The following PPFIA1 variants were observed in gnomAD, a reference collection of about 807,000 sequenced individuals.
The protein encoded by PPFIA1 is PPFI scaffold protein A1.
In PPFIA1, 25 loss-of-function variants were observed where a neutral mutation model predicts 149.9. The ratio of observed to expected loss-of-function variants is 0.17; its 90% CI spans 0.12 to 0.23. The LOEUF is 0.23. PPFIA1 is among the 10% of genes least tolerant of loss of function. The pLI is 1.00. For synonymous variants in PPFIA1, 549 were observed against 552.8 expected, an observed-to-expected ratio of 0.99 and a Z score of 0.10; for missense variants, 1,362 against 1,506.5, an observed-to-expected ratio of 0.90 and a Z score of 1.59.
At chr11:70,284,931 A>G (rs2051004053) in intron 2 of PPFIA1, among the ~76,000 whole-genome samples, 1 of 152,148 alleles carries the variant, frequency 6.6e-6, no homozygotes, top group Admixed American at 6.6e-5. Context: ...GGGCTTCAGT[A>G]CTTTGCGTGC....
At chr11:70,329,315 A>T (rs891024510) in intron 7 of PPFIA1, among the ~76,000 whole-genome samples, 6 of 152,258 alleles carry the variant, frequency 3.9e-5, no homozygotes, top group African/African-American at 1.4e-4. Flanking sequence ...CTGAGTGGCC[A>T]GACATAGTAT....
chr11:70,346,036 A>G (rs2055681025), intron 15 of PPFIA1: 1 of 431,142 alleles, frequency 2.3e-6, no homozygotes, highest in African/African-American at 2.0e-5. Flanking sequence ...TCTCGTCAGT[A>G]TTTTAAAGGG....
Position 70,324,388 on chromosome 11 carries a change from T to C in PPFIA1, c.265-14T>C, listed in dbSNP as rs769111495. Reference sequence around the variant, plus strand: ...TCTTTCTTATTTATTTAATTTTGTTTTGTGATTTTCTAGGAGTTCGCAGCA... The same window carrying C: ...TCTTTCTTATTTATTTAATTTTGTTCTGTGATTTTCTAGGAGTTCGCAGCA... On this transcript the variant is annotated splice_polypyrimidine_tract_variant and intron_variant, in intron 2 of 27. Coordinates refer to ENST00000253925, the MANE Select transcript of PPFIA1 (RefSeq NM_003626.5). 3.4e-5 allele frequency: 53 copies of C among 1,576,592 alleles called. No homozygotes were observed. The highest frequency in any genetic ancestry group is 4.4e-5 in the Non-Finnish European group (51 of 1,153,198).
chr11:70,326,911 C>T (rs540026825), intron 7 of PPFIA1, 93 bp downstream of exon 7: 32 of 996,960 alleles, frequency 3.2e-5, no homozygotes, highest in Non-Finnish European at 4.2e-5. Flanking sequence ...GTCTCTTACT[C>T]TCCCAATTAC....
chr11:70,352,774 CGGAGGGCGGCGTGTGGAGGGGTG>C (rs1565435803), intron 16 of PPFIA1, among the ~76,000 whole-genome samples: 5 of 42,088 alleles, frequency 1.2e-4, no homozygotes, highest in Non-Finnish European at 1.7e-4. Context: ...GTGGAGGTGT[CGGAGGGCGGCGTGTGGAGGGGTG>C]GGAGGGCGGC....
chr11:70,320,915 C>T (rs576797390), intron 2 of PPFIA1, among the ~76,000 whole-genome samples: 6 of 152,274 alleles, frequency 3.9e-5, no homozygotes, highest in South Asian at 2.1e-4. Context: ...GACATAACCA[C>T]GCAACAGAAT....
intron 2 of PPFIA1, among the ~76,000 whole-genome samples, chr11:70,323,301 C>G (rs751060096): frequency 6.6e-6 from 1 of 152,348 alleles, no homozygotes; most frequent in South Asian, 2.1e-4. Context: ...TGGCGGCAGC[C>G]AGGGCCCTCT....
At chr11:70,382,513 G>A (rs1253620103) in intron 27 of PPFIA1, among the ~76,000 whole-genome samples, 1 of 152,188 alleles carries the variant, frequency 6.6e-6, no homozygotes, top group Non-Finnish European at 1.5e-5. Flanking sequence ...TCCTGACGTC[G>A]TTATGCACAT....
chr11:70,313,178 A>G (rs1308153586), intron 2 of PPFIA1, among the ~76,000 whole-genome samples: 1 of 152,222 alleles, frequency 6.6e-6, no homozygotes, highest in Non-Finnish European at 1.5e-5. Context: ...GCTGACTTCT[A>G]GAGCGGCCAC....
intron 2 of PPFIA1, among the ~76,000 whole-genome samples, chr11:70,296,030 TCA>T (rs1270603428): frequency 6.7e-6 from 1 of 150,206 alleles, no homozygotes; most frequent in African/African-American, 2.5e-5. Context: ...GAGGCGCTCC[TCA>T]CATCCCAGAC....
intron 27 of PPFIA1, 62 bp from the exon 28 acceptor site, chr11:70,382,941 T>TC: frequency 2.8e-6 from 1 of 358,612 alleles, no homozygotes. Flanking sequence ...CATCAGAAGT[T>TC]CCCGTTCGTC....
Position 70,348,204 on chromosome 11 carries a change from A to G in PPFIA1, c.1947A>G (p.Glu649=). Residue 649 remains glutamate, a synonymous_variant, in exon 16 of 28, where the codon GAA becomes GAG. Transcript: ENST00000253925. Reference sequence around the variant, plus strand: ...TTTATTTTAGGTTGATTCAGGAAGAAAAAGAAAATACAGAGCAGCGGGCAG... The same window carrying G: ...TTTATTTTAGGTTGATTCAGGAAGAGAAAGAAAATACAGAGCAGCGGGCAG... The part of the protein sequence containing the change: ...INKEIRLIQE[E]KENTEQRAEE... The G allele has an allele frequency of 6.2e-7, 1 of 1,614,204 alleles. No homozygotes were observed. The highest frequency in any genetic ancestry group is 8.5e-7 in the Non-Finnish European group (1 of 1,180,042).
At chr11:70,354,939 C>T (rs2056275381) in intron 17 of PPFIA1, among the ~76,000 whole-genome samples, 1 of 151,472 alleles carries the variant, frequency 6.6e-6, no homozygotes, top group African/African-American at 2.4e-5. Flanking sequence ...TCTATGCTAT[C>T]TTTTTTTTTC....
intron 19 of PPFIA1, 150 bp from the exon 20 acceptor site, chr11:70,361,945 G>C: frequency 1.5e-6 from 1 of 658,344 alleles, no homozygotes; most frequent in East Asian, 2.8e-5. Context: ...ATTTTTTGTA[G>C]AGTTGGGGTC....
At chr11:70,318,893 C>T (rs1431553235) in intron 2 of PPFIA1, among the ~76,000 whole-genome samples, 1 of 152,216 alleles carries the variant, frequency 6.6e-6, no homozygotes, top group Non-Finnish European at 1.5e-5. Flanking sequence ...TGCTGATGCC[C>T]CTCAATGAGA....
chr11:70,337,364 G>T lies in PPFIA1; in HGVS notation c.1429-1G>T. 1 of 1,583,364 alleles carries T rather than the reference G, an allele frequency of 6.3e-7. No individual in the cohort carries two copies. The highest frequency in any genetic ancestry group is 1.4e-5 in the African/African-American group (1 of 73,560). ...CTAAAGGACTATCTGTCTTTTTTCA[G>T]AACTCTCTTTTAAGAGAAGTTGAAA... is the stretch of plus-strand genomic sequence containing the variant. On this transcript the variant is annotated splice_acceptor_variant, in intron 11 of 27. Transcript: ENST00000253925. LOFTEE classifies it high-confidence loss of function.
intron 7 of PPFIA1, among the ~76,000 whole-genome samples, chr11:70,328,179 C>G (rs909580427): frequency 1.3e-5 from 2 of 152,106 alleles, no homozygotes; most frequent in Non-Finnish European, 1.5e-5. Flanking sequence ...TATTTCATCA[C>G]CCAGGTACCA....
At position 70,383,027 on chromosome 11, in the gene PPFIA1, G is replaced by T; in HGVS notation, c.*37G>T. On this transcript the variant is annotated 3_prime_UTR_variant, in exon 28 of 28. Transcript: ENST00000253925. ...GTTTACCCACACTACTTCTACAGAT[G>T]ATTATGCAGCATTTGAATCCAACAA... 2.4e-6 allele frequency: 1 copy of T among 414,320 alleles called. No individual in the cohort carries two copies. Among genetic ancestry groups the T allele is most frequent in the South Asian group, 1.8e-5 (1 of 56,452 alleles). 25.7% of individuals were successfully genotyped at this position (414,320 alleles called of 1,614,324 possible). A position where few individuals can be genotyped will look rare whatever the true frequency, so the allele number is the denominator to read the frequency against.
At chr11:70,300,937 G>A (rs2052449422) in intron 2 of PPFIA1, among the ~76,000 whole-genome samples, 1 of 152,270 alleles carries the variant, frequency 6.6e-6, no homozygotes, top group Admixed American at 6.5e-5. Context: ...AAGATACCCT[G>A]GGAGGTGAGG....
Sources: gnomAD v4.1 joint callset for allele counts (sites outside exome capture counted in the v4.1 genomes callset) on GRCh38, gnomAD v4.1.1 for gene constraint, MANE v1.5 for transcripts, NCBI Gene and HGNC (gene_info 2026-07-23, HGNC 2026-07-21) for gene names.